Variants in PTPN14 observed in about 807,000 individuals in gnomAD.
The protein encoded by PTPN14 is tyrosine-protein phosphatase non-receptor type 14.
A neutral mutation model predicts 126.8 loss-of-function variants in PTPN14; 53 were observed. That is an observed-to-expected ratio of 0.42 (90% CI 0.34 to 0.53). The LOEUF is 0.53. PTPN14 is among the 20% of genes least tolerant of loss of function. PTPN14 has a pLI of 0.08. For missense variants in PTPN14, 1,257 were observed against 1,552.9 expected (o/e 0.81, Z 3.20); for synonymous variants, 630 against 599.3 (o/e 1.05, Z -0.75).
rs1658246954 is a variant in PTPN14, at chr1:214,372,699, C to T, written c.3036+12G>A. The T allele has an allele frequency of 6.2e-7, 1 of 1,613,968 alleles. No homozygotes were observed. The highest frequency in any genetic ancestry group is 1.7e-5 in the Admixed American group (1 of 60,020). ...TGGGGAAAAAGGATGTGGAGTAGGC[C>T]ATTCCCCTTACCTCCTCTGCAGTGA... On this transcript the variant is annotated intron_variant, in intron 16 of 18. Transcript: ENST00000366956.
chr1:214,503,676 A>G (rs561315697), intron 1 of PTPN14, among the ~76,000 whole-genome samples: 2 of 152,368 alleles, frequency 1.3e-5, no homozygotes, highest in African/African-American at 4.8e-5. Flanking sequence ...TCAATAAACA[A>G]TTAGTCGGTG....
intron 3 of PTPN14, among the ~76,000 whole-genome samples, chr1:214,441,717 C>CA (rs1337742922): frequency 6.6e-6 from 1 of 152,178 alleles, no homozygotes; most frequent in African/African-American, 2.4e-5. Context: ...CTGCATGCTT[C>CA]AACATGACAA....
intron 3 of PTPN14, among the ~76,000 whole-genome samples, chr1:214,428,328 C>A (rs1659715983): frequency 6.6e-6 from 1 of 152,210 alleles, no homozygotes; most frequent in South Asian, 2.1e-4. Flanking sequence ...ATAAAGACTT[C>A]TCACTTTTTG....
chr1:214,369,332 A>G, intron 17 of PTPN14, 125 bp downstream of exon 17: 1 of 811,572 alleles, frequency 1.2e-6, no homozygotes, highest in Non-Finnish European at 2.0e-6. Context: ...ATATATTTCA[A>G]TATTATAATA....
intron 1 of PTPN14, among the ~76,000 whole-genome samples, chr1:214,539,814 G>A (rs1455468550): frequency 6.6e-6 from 1 of 152,074 alleles, no homozygotes. Context: ...AAGGATGAAG[G>A]GGCACAAAGT....
chr1:214,503,812 C>A (rs887696512), intron 1 of PTPN14, among the ~76,000 whole-genome samples: 1 of 152,160 alleles, frequency 6.6e-6, no homozygotes, highest in Non-Finnish European at 1.5e-5. Flanking sequence ...GCAAACACAC[C>A]CGACATCACC....
intron 16 of PTPN14, among the ~76,000 whole-genome samples, chr1:214,370,202 C>T (rs1658184125): frequency 6.6e-6 from 1 of 151,830 alleles, no homozygotes; most frequent in South Asian, 2.1e-4. Context: ...ATGGCATAAA[C>T]CCGGGAGGCG....
intron 1 of PTPN14, among the ~76,000 whole-genome samples, chr1:214,492,211 G>A (rs540199075): frequency 9.9e-5 from 15 of 151,912 alleles, no homozygotes; most frequent in East Asian, 9.7e-4. Context: ...GAAAAACTTC[G>A]GGAGAATATA....
chr1:214,511,486 C>CAA lies in PTPN14; in HGVS notation c.-155+39695_-155+39696dup, dbSNP rs112523413. Among the ~76,000 whole-genome samples, 479 of 124,758 alleles carry CAA rather than the reference C, an allele frequency of 3.8e-3. 1 individual carries two copies. The highest frequency in any genetic ancestry group is 9.5e-3 in the East Asian group (44 of 4,632). The allele number at this position is 124,758 out of a possible 152,430, so 81.8% of individuals were successfully genotyped here. On this transcript the variant is annotated intron_variant, in intron 1 of 18. Transcript: ENST00000366956. The stretch of plus-strand genomic sequence containing the variant: ...TATCACCTCACAGGATGGCCCTTAT[C>CAA]AAAAAAAAAAAAATAGAAAGAAAAG...
chr1:214,536,770 T>G (rs532937249), intron 1 of PTPN14, among the ~76,000 whole-genome samples: 2 of 152,288 alleles, frequency 1.3e-5, no homozygotes, highest in South Asian at 4.1e-4. Context: ...TATATAAAAT[T>G]ACAAGTATGA....
intron 6 of PTPN14, among the ~76,000 whole-genome samples, chr1:214,402,023 A>C (rs936197476): frequency 6.6e-6 from 1 of 152,146 alleles, no homozygotes; most frequent in Non-Finnish European, 1.5e-5. Flanking sequence ...TGTAAACATG[A>C]AATCATTATT....
intron 3 of PTPN14, among the ~76,000 whole-genome samples, chr1:214,427,561 T>C (rs1311441949): frequency 1.3e-5 from 2 of 152,142 alleles, no homozygotes; most frequent in African/African-American, 4.8e-5. Context: ...ACCTACTACA[T>C]GCCAGGAGTT....
intron 2 of PTPN14, among the ~76,000 whole-genome samples, chr1:214,460,209 T>C (rs1660478775): frequency 6.6e-6 from 1 of 152,194 alleles, no homozygotes; most frequent in Non-Finnish European, 1.5e-5. Flanking sequence ...TGAGCTGATA[T>C]ATGGAAACTG....
intron 5 of PTPN14, among the ~76,000 whole-genome samples, chr1:214,407,598 T>C (rs1414634014): frequency 6.6e-6 from 1 of 152,186 alleles, no homozygotes; most frequent in East Asian, 1.9e-4. Context: ...CAATTTAGAC[T>C]GACCTCATGC....
intron 1 of PTPN14, among the ~76,000 whole-genome samples, chr1:214,485,874 C>T (rs540133298): frequency 9.9e-5 from 15 of 152,200 alleles, no homozygotes; most frequent in African/African-American, 2.9e-4. Flanking sequence ...TACAGGCGCC[C>T]GCCGCCACAC....
chr1:214,467,575 A>T (rs1660669220), intron 1 of PTPN14, among the ~76,000 whole-genome samples: 2 of 4,828 alleles, frequency 4.1e-4, no homozygotes. Context: ...ATATACAAAA[A>T]CACAAAGAGG....
At chr1:214,369,845 A>G (rs553364378) in intron 16 of PTPN14, among the ~76,000 whole-genome samples, 154 bp from the exon 17 acceptor site, 5 of 152,336 alleles carry the variant, frequency 3.3e-5, no homozygotes, top group South Asian at 2.1e-4. Flanking sequence ...GATCCTATAC[A>G]TGCTAGTTAA....
chr1:214,515,508 G>C (rs1317648033), intron 1 of PTPN14, among the ~76,000 whole-genome samples: 2 of 152,058 alleles, frequency 1.3e-5, no homozygotes, highest in African/African-American at 4.8e-5. Context: ...AAATAAGCCA[G>C]TAGGGTTTTA....
chr1:214,509,580 A>G (rs937822227), intron 1 of PTPN14, among the ~76,000 whole-genome samples: 1 of 152,206 alleles, frequency 6.6e-6, no homozygotes, highest in Non-Finnish European at 1.5e-5. Context: ...CATGTGGTTC[A>G]CTGGAGTGGC....
Sources: gnomAD v4.1 joint callset for allele counts (sites outside exome capture counted in the v4.1 genomes callset) on GRCh38, gnomAD v4.1.1 for gene constraint, MANE v1.5 for transcripts, NCBI Gene and HGNC (gene_info 2026-07-23, HGNC 2026-07-21) for gene names.